Variants in PLA2G6 observed in about 807,000 individuals in gnomAD.
PLA2G6 encodes the protein 85/88 kDa calcium-independent phospholipase A2.
A neutral mutation model predicts 83.8 loss-of-function variants in PLA2G6; 62 were observed. The observed-to-expected ratio is 0.74, with a 90% confidence interval of 0.60 to 0.91. PLA2G6 has a LOEUF of 0.91. Among genes scored for constraint, PLA2G6 ranks in the 40% least tolerant of loss-of-function variants. PLA2G6 has a pLI of 0.00. For synonymous variants in PLA2G6, 417 were observed against 449.8 expected (o/e 0.93, Z 0.92); for missense variants, 944 against 1,102.0 (o/e 0.86, Z 2.03).
chr22:38,133,302 T>C, intron 6 of PLA2G6: 1 of 523,924 alleles, frequency 1.9e-6, no homozygotes, highest in Non-Finnish European at 3.5e-6. Flanking sequence ...TTGCAAAGGC[T>C]CCTCTGGGGC....
At chr22:38,176,459 T>C (rs757874028) in intron 1 of PLA2G6, among the ~76,000 whole-genome samples, 1 of 152,152 alleles carries the variant, frequency 6.6e-6, no homozygotes, top group African/African-American at 2.4e-5. Flanking sequence ...CGACAGGATG[T>C]CCCATGATTG....
In PLA2G6 at chr22:38,123,184, TC is replaced by T; in HGVS notation, c.1501del (p.Glu501ArgfsTer44). 6.4e-7 allele frequency: 1 copy of T among 1,552,654 alleles called. No homozygotes were observed. Among genetic ancestry groups the T allele is most frequent in the Non-Finnish European group, 8.7e-7 (1 of 1,148,048 alleles). ...CTTGGTGGCCACACCCGAGGCCTTCTCGATGGCGATGAGGAGCTGGATGATG... is the reference window on the plus strand; with the variant it reads ...CTTGGTGGCCACACCCGAGGCCTTCTGATGGCGATGAGGAGCTGGATGATG... ...LIIIQLLIAI[E>X]KASGVATKDL... On this transcript the variant is annotated frameshift_variant, in exon 11 of 17. Coordinates refer to ENST00000332509, the MANE Select transcript of PLA2G6 (RefSeq NM_003560.4). LOFTEE classifies it high-confidence loss of function. This position sits in a 1 kb window ranked among gnomAD's most constrained non-coding sequence, Gnocchi z 4.1.
At chr22:38,170,901 T>G (rs2090410118) in intron 1 of PLA2G6, among the ~76,000 whole-genome samples, 1 of 152,142 alleles carries the variant, frequency 6.6e-6, no homozygotes, top group Non-Finnish European at 1.5e-5. Context: ...CAAGGCACGG[T>G]GGTTCACGCC....
intron 12 of PLA2G6, among the ~76,000 whole-genome samples, chr22:38,118,465 C>T (rs1198218785): frequency 6.6e-6 from 1 of 152,122 alleles, no homozygotes; most frequent in Non-Finnish European, 1.5e-5. Context: ...ATCAATTATC[C>T]CCTAAAAATT....
At position 38,132,943 on chromosome 22, in the gene PLA2G6, T is replaced by C. The variant is rs2088313185; in HGVS notation, c.965A>G (p.His322Arg). Residue 322 changes from histidine to arginine, a missense_variant, in exon 7 of 17, where the codon CAC becomes CGC. By Grantham distance (29) the His-to-Arg change is conservative. Transcript: ENST00000332509. This position sits in a 1 kb window ranked among gnomAD's most constrained non-coding sequence, Gnocchi z 5.0. The part of the protein sequence containing the change: ...STSSAGNTAL[H>R]VAVMRNRFDC... The stretch of plus-strand genomic sequence containing the variant: ...GAAGCGGTTGCGCATCACCGCCACG[T>C]GCAGGGCCGTGTTCCCCGCGGAGCT... 5 of 1,562,676 alleles carry C rather than the reference T, an allele frequency of 3.2e-6. No individual in the cohort carries two copies. The highest frequency in any genetic ancestry group is 2.7e-5 in the African/African-American group (2 of 73,788).
intron 1 of PLA2G6, among the ~76,000 whole-genome samples, chr22:38,181,407 T>G (rs2090841890): frequency 6.6e-6 from 1 of 151,844 alleles, no homozygotes; most frequent in Admixed American, 6.6e-5. Flanking sequence ...GGACGGCCAA[T>G]GGGGCCTAAA....
intron 11 of PLA2G6, 110 bp downstream of exon 11, chr22:38,122,985 C>A: frequency 9.3e-7 from 1 of 1,081,068 alleles, no homozygotes; most frequent in East Asian, 2.6e-5. Flanking sequence ...GTGCTTATAG[C>A]CCTCCTCTAC....
intron 11 of PLA2G6, among the ~76,000 whole-genome samples, chr22:38,121,550 G>A (rs557659313): frequency 1.1e-3 from 162 of 152,288 alleles, no homozygotes; most frequent in African/African-American, 2.9e-3. Flanking sequence ...CCAAGGGGCC[G>A]GCTGCACCTC....
chr22:38,139,996 C>T lies in PLA2G6; in HGVS notation c.783G>A (p.Lys261=). The T allele has an allele frequency of 6.3e-7, 1 of 1,599,972 alleles. No homozygotes were observed. Among genetic ancestry groups the T allele is most frequent in the Non-Finnish European group, 8.5e-7 (1 of 1,172,240 alleles). The part of the protein sequence containing the change: ...PNGYPIHSAM[K]FSQKGCAEMI... ...GGAGGTCTTACCCCTTCTGAGAGAA[C>T]TTCATGGCCGAGTGGATGGGGTAGC... The change falls in exon 5 of 17, where the codon AAG becomes AAA. Residue 261 remains lysine (K), a synonymous_variant. Coordinates refer to ENST00000332509, the MANE Select transcript of PLA2G6 (RefSeq NM_003560.4).
At chr22:38,164,930 G>A (rs566108740) in intron 2 of PLA2G6, among the ~76,000 whole-genome samples, 12 of 151,964 alleles carry the variant, frequency 7.9e-5, no homozygotes, top group Non-Finnish European at 1.5e-4. Flanking sequence ...CCCGGCCCTG[G>A]AGAACCCCAG....
chr22:38,118,894 C>G (rs1008571051), intron 12 of PLA2G6, among the ~76,000 whole-genome samples: 1 of 151,926 alleles, frequency 6.6e-6, no homozygotes, highest in Non-Finnish European at 1.5e-5. Context: ...GCTGGGACTA[C>G]AGCCATAGTG....
rs886184330 is a variant in PLA2G6 at position 38,112,449 on chromosome 22, T to C, written c.2276+55A>G. On this transcript the variant is annotated intron_variant, in intron 16 of 16. Transcript: ENST00000332509. ...ACTAGGGCTGGGAGGGGAAGGTCGGTGAGTCCGACCACGCCAGGGCACGGG... is the reference window on the plus strand; with the variant it reads ...ACTAGGGCTGGGAGGGGAAGGTCGGCGAGTCCGACCACGCCAGGGCACGGG... The C allele has an allele frequency of 4.7e-6, 7 of 1,501,042 alleles. No individual in the cohort carries two copies. The African/African-American group carries it at 9.7e-5, about 21-fold the overall frequency. The allele number at this position is 1,501,042 out of a possible 1,614,324, so 93.0% of individuals were successfully genotyped here. A position where few individuals can be genotyped will look rare whatever the true frequency, so the allele number is the denominator to read the frequency against.
At chr22:38,163,962 G>A (rs918790754) in intron 2 of PLA2G6, among the ~76,000 whole-genome samples, 10 of 152,062 alleles carry the variant, frequency 6.6e-5, no homozygotes, top group African/African-American at 2.2e-4. Flanking sequence ...GTCAGCTCCC[G>A]GTAGGGAAGC....
chr22:38,134,036 T>A (rs973365556), intron 6 of PLA2G6: 1 of 152,276 alleles, frequency 6.6e-6, no homozygotes, highest in East Asian at 1.9e-4. Flanking sequence ...GTGGGCACCA[T>A]CTAATCAGCT....
At chr22:38,181,074 A>C (rs1328185367) in intron 1 of PLA2G6, among the ~76,000 whole-genome samples, 1 of 151,978 alleles carries the variant, frequency 6.6e-6, no homozygotes, top group East Asian at 1.9e-4. Flanking sequence ...CCTGTCCCAC[A>C]CCCACAGGCT....
intron 2 of PLA2G6, among the ~76,000 whole-genome samples, chr22:38,158,952 A>T (rs1197888578): frequency 6.6e-6 from 1 of 152,086 alleles, no homozygotes; most frequent in Non-Finnish European, 1.5e-5. Context: ...TAATCCCAGC[A>T]CTTTGGGAGG....
At position 38,120,782 on chromosome 22, in the gene PLA2G6, C is replaced by T; in HGVS notation, c.1719G>A (p.Lys573=). ...FLKREFGEHT[K]MTDVRKPKVM... Reference sequence around the variant, plus strand: ...ACTTGGGTTTCCTGACGTCCGTCATCTTGGTGTGCTCCCCAAACTCCCGCT... The same window carrying T: ...ACTTGGGTTTCCTGACGTCCGTCATTTTGGTGTGCTCCCCAAACTCCCGCT... The change falls in exon 12 of 17, where the codon AAG becomes AAA. Residue 573 remains lysine (K), a synonymous_variant. Coordinates refer to ENST00000332509, the MANE Select transcript of PLA2G6 (RefSeq NM_003560.4). 6.2e-7 allele frequency: 1 copy of T among 1,613,894 alleles called. No homozygotes were observed. Among genetic ancestry groups the T allele is most frequent in the Non-Finnish European group, 8.5e-7 (1 of 1,180,046 alleles).
At chr22:38,130,054 G>C (rs2088115383) in intron 7 of PLA2G6, among the ~76,000 whole-genome samples, 1 of 152,192 alleles carries the variant, frequency 6.6e-6, no homozygotes, top group South Asian at 2.1e-4. Flanking sequence ...TCCCCACGAA[G>C]AACGTCACAC....
chr22:38,114,025 T>C lies in PLA2G6; in HGVS notation c.2035-371A>G, dbSNP rs112425035. On this transcript the variant is annotated intron_variant, in intron 14 of 16. Coordinates refer to ENST00000332509, the MANE Select transcript of PLA2G6 (RefSeq NM_003560.4). ...GGTGATTTGCCAGGTATTTGCATCA[T>C]TACTTCATTTAATCTCCAGCCAGTC... Among the ~76,000 whole-genome samples, 490 of 152,270 alleles carry C rather than the reference T, an allele frequency of 3.2e-3. 3 individuals carry two copies. The highest frequency in any genetic ancestry group is 0.011 in the African/African-American group (455 of 41,552).
Sources: allele counts gnomAD v4.1 joint callset (sites outside exome capture counted in the v4.1 genomes callset), GRCh38; gene constraint gnomAD v4.1.1; non-coding constraint Gnocchi (gnomAD v3.1); transcripts MANE v1.5; gene names NCBI Gene and HGNC (gene_info 2026-07-23, HGNC 2026-07-21).